Variants in TTC39C observed in about 807,000 individuals in gnomAD.
TTC39C encodes tetratricopeptide repeat domain 39C, also known as tetratricopeptide repeat protein 39C.
In TTC39C, 33 loss-of-function variants were observed where a neutral mutation model predicts 76.3. The ratio of observed to expected loss-of-function variants is 0.43; its 90% CI spans 0.33 to 0.58. TTC39C has a LOEUF of 0.58. Ranked by LOEUF, TTC39C falls within the 20% of genes least tolerant of loss-of-function variation. TTC39C has a pLI of 0.04. For synonymous variants in TTC39C, 254 were observed against 260.6 expected, an observed-to-expected ratio of 0.97 and a Z score of 0.24; for missense variants, 595 against 701.4, an observed-to-expected ratio of 0.85 and a Z score of 1.71.
At chr18:24,079,485 T>TG (rs1436836600) in intron 4 of TTC39C, among the ~76,000 whole-genome samples, 1 of 152,116 alleles carries the variant, frequency 6.6e-6, no homozygotes. Flanking sequence ...ATAGTGGAGG[T>TG]GGCTTTAAAG....
chr18:24,006,829 C>A (rs1568401636), intron 1 of TTC39C, among the ~76,000 whole-genome samples: 1 of 152,146 alleles, frequency 6.6e-6, no homozygotes, highest in Non-Finnish European at 1.5e-5. Context: ...ATGACACTTA[C>A]CATATTGTGC....
rs771104629 is a variant in TTC39C at position 24,082,986 on chromosome 18, C to G, written c.889C>G (p.Leu297Val). 6.2e-7 allele frequency: 1 copy of G among 1,613,998 alleles called. No individual in the cohort carries two copies. The highest frequency in any genetic ancestry group is 8.5e-7 in the Non-Finnish European group (1 of 1,179,976). The stretch of plus-strand genomic sequence containing the variant: ...GGATGGCAGTGATAACAAGGCAGGC[C>G]TGGATGAAGCTAAGGAAATTCTCCT... Reference protein sequence around the residue: ...ALDGSDNKAGLDEAKEILLKK... With the variant: ...ALDGSDNKAGVDEAKEILLKK... The change falls in exon 6 of 14, where the codon CTG becomes GTG. Residue 297 changes from leucine (L) to valine (V), a missense_variant. Physicochemically the swap from Leu to Val is conservative, Grantham distance 32. Transcript: ENST00000317571.
intron 1 of TTC39C, among the ~76,000 whole-genome samples, chr18:24,039,947 C>A (rs1367806468): frequency 6.6e-6 from 1 of 152,072 alleles, no homozygotes; most frequent in Non-Finnish European, 1.5e-5. Flanking sequence ...GGAAGAGGAA[C>A]AAATTTGAAG....
chr18:24,034,625 A>G (rs1468723728), intron 1 of TTC39C, among the ~76,000 whole-genome samples: 1 of 116,784 alleles, frequency 8.6e-6, no homozygotes, highest in Non-Finnish European at 1.9e-5. Context: ...TGTACCCATT[A>G]AACAATAATT....
At chr18:24,072,297 T>G (rs2145743943) in intron 4 of TTC39C, among the ~76,000 whole-genome samples, 1 of 145,120 alleles carries the variant, frequency 6.9e-6, no homozygotes, top group South Asian at 2.1e-4. Flanking sequence ...GATTCATGCT[T>G]TTTTTTTTTT....
chr18:24,101,318 A>AC (rs1034487395), intron 6 of TTC39C, among the ~76,000 whole-genome samples: 9 of 151,506 alleles, frequency 5.9e-5, no homozygotes, highest in Admixed American at 2.0e-4. Context: ...AAAAAAAAAA[A>AC]AAAAACTGGC....
At chr18:24,121,712 G>A (rs2084970862) in intron 8 of TTC39C, among the ~76,000 whole-genome samples, 2 of 152,174 alleles carry the variant, frequency 1.3e-5, no homozygotes, top group Admixed American at 1.3e-4. Flanking sequence ...CTTTAATTAT[G>A]TGATTGTATA....
At chr18:24,049,620 G>A (rs755770055) in intron 1 of TTC39C, among the ~76,000 whole-genome samples, 3 of 152,260 alleles carry the variant, frequency 2.0e-5, no homozygotes, top group East Asian at 1.9e-4. Flanking sequence ...GATCCAGCCC[G>A]ACCCGAGGGA....
At chr18:24,060,741 A>G (rs2084088784) in intron 1 of TTC39C, among the ~76,000 whole-genome samples, 1 of 152,242 alleles carries the variant, frequency 6.6e-6, no homozygotes, top group Non-Finnish European at 1.5e-5. Flanking sequence ...AAACACTGAC[A>G]TACTTAACTG....
At chr18:24,042,635 G>A (rs9955869) in intron 1 of TTC39C, among the ~76,000 whole-genome samples, 95,605 of 152,010 alleles carry the variant, frequency 0.63, 33,969 homozygotes, top group Non-Finnish European at 0.82. Flanking sequence ...TTGCTGGGGT[G>A]TATGTCTAGT....
At chr18:24,109,057 A>T (rs1327321332) in intron 6 of TTC39C, among the ~76,000 whole-genome samples, 1 of 151,534 alleles carries the variant, frequency 6.6e-6, no homozygotes, top group Non-Finnish European at 1.5e-5. Flanking sequence ...TCAACATCCC[A>T]GCTGGGTGCT....
At chr18:24,110,875 G>A (rs1390471663) in intron 6 of TTC39C, among the ~76,000 whole-genome samples, 2 of 152,172 alleles carry the variant, frequency 1.3e-5, no homozygotes, top group Admixed American at 1.3e-4. Context: ...CTGAGGCTTG[G>A]TTTTTGTGAC....
chr18:24,101,552 C>T (rs7240470), intron 6 of TTC39C, among the ~76,000 whole-genome samples: 33,218 of 109,820 alleles, frequency 0.3, 4,506 homozygotes, highest in African/African-American at 0.41. Context: ...AGCGAGACTC[C>T]GTCTCAAAAA....
upstream of TTC39C, among the ~76,000 whole-genome samples, chr18:24,012,586 C>T (rs1212400799): frequency 1.3e-5 from 2 of 152,168 alleles, no homozygotes; most frequent in Non-Finnish European, 2.9e-5. Context: ...CTGTGCTTGG[C>T]TGTCTTTCTC....
At chr18:24,131,946 C>A in intron 13 of TTC39C, 26 bp downstream of exon 13, 1 of 1,610,126 alleles carries the variant, frequency 6.2e-7, no homozygotes. Context: ...CTACCTTTCT[C>A]CAGTGGCCCT....
chr18:24,039,502 T>A (rs973999418), intron 1 of TTC39C, among the ~76,000 whole-genome samples: 10 of 152,236 alleles, frequency 6.6e-5, no homozygotes, highest in Non-Finnish European at 1.2e-4. Flanking sequence ...TTGTTTTGTC[T>A]TGTTTTGTTT....
chr18:24,046,596 G>A (rs2083888428), intron 1 of TTC39C, among the ~76,000 whole-genome samples: 1 of 151,760 alleles, frequency 6.6e-6, no homozygotes, highest in Non-Finnish European at 1.5e-5. Flanking sequence ...ATTTTGCTAG[G>A]TGAATATGTT....
At chr18:24,024,776 A>G (rs889339314) in intron 1 of TTC39C, among the ~76,000 whole-genome samples, 3 of 152,350 alleles carry the variant, frequency 2.0e-5, no homozygotes, top group African/African-American at 4.8e-5. Flanking sequence ...AAAAATGTTT[A>G]TAGGATAGTT....
At chr18:24,038,568 C>A (rs879894318) in intron 1 of TTC39C, among the ~76,000 whole-genome samples, 5 of 152,166 alleles carry the variant, frequency 3.3e-5, no homozygotes, top group Non-Finnish European at 7.3e-5. Context: ...CAGGCATGAA[C>A]CACCATGCCT....
Sources: gnomAD v4.1 joint callset for allele counts (sites outside exome capture counted in the v4.1 genomes callset) on GRCh38, gnomAD v4.1.1 for gene constraint, MANE v1.5 for transcripts, NCBI Gene and HGNC (gene_info 2026-07-23, HGNC 2026-07-21) for gene names.